The following ZFHX3 variants were observed in gnomAD, a reference collection of about 807,000 sequenced individuals.
The protein encoded by ZFHX3 is zinc finger homeobox 3.
A neutral mutation model predicts 279.1 loss-of-function variants in ZFHX3; 42 were observed. The ratio of observed to expected loss-of-function variants is 0.15; its 90% CI spans 0.12 to 0.19. The LOEUF (loss-of-function observed/expected upper bound fraction) is 0.19. Among genes scored for constraint, ZFHX3 ranks in the 10% least tolerant of loss-of-function variants. ZFHX3 has a pLI of 1.00. For synonymous variants in ZFHX3, 2,293 were observed against 1,957.8 expected, an observed-to-expected ratio of 1.17 and a Z score of -4.52; for missense variants, 4,981 against 4,754.0, an observed-to-expected ratio of 1.05 and a Z score of -1.40.
At chr16:73,397,019 G>A (rs919127782) in intron 3 of ZFHX3, among the ~76,000 whole-genome samples, 9 of 152,194 alleles carry the variant, frequency 5.9e-5, no homozygotes, top group African/African-American at 2.2e-4. Context: ...GCAGCATAAG[G>A]AAATAAACCT....
Position 73,503,662 on chromosome 16 carries a change from A to G in ZFHX3, c.-1546-47404T>C, listed in dbSNP as rs1307685864. The stretch of plus-strand genomic sequence containing the variant: ...AGGGGAATGGGGGAAAGAACGCAGG[A>G]TGGCCCTGGAAGAGCAAAGATATCA... On this transcript the variant is annotated intron_variant, in intron 2 of 17. Coordinates refer to the ZFHX3 transcript ENST00000641206. Among the ~76,000 whole-genome samples the G allele has an allele frequency of 2.0e-5, 3 of 152,236 alleles. No individual in the cohort carries two copies. In the East Asian group the frequency reaches 5.8e-4, roughly 29 times the overall value.
In ZFHX3 at chr16:73,360,433, G is replaced by T. The variant is rs2016416344; in HGVS notation, c.-1290-42097C>A. Among the ~76,000 whole-genome samples, 8 of 152,288 alleles carry T rather than the reference G, an allele frequency of 5.3e-5. No individual in the cohort carries two copies. In the South Asian group the frequency reaches 1.7e-3, roughly 32 times the overall value. ...GGCTCACCACAGCCTCCGCCTCTAGGGTTCAACTGATTCTCCTGCCTCAGC... is the reference window on the plus strand; with the variant it reads ...GGCTCACCACAGCCTCCGCCTCTAGTGTTCAACTGATTCTCCTGCCTCAGC... On this transcript the variant is annotated intron_variant, in intron 3 of 17. Coordinates refer to the ZFHX3 transcript ENST00000641206.
rs562799058 is a variant in ZFHX3 at position 73,197,409 on chromosome 16, A to G, written c.-1103-53578T>C. ...CAAGGTGGATATGGTGATTGGTCCA[A>G]GTACCATGTCTGTTGTCTGTTGTAT... On this transcript the variant is annotated intron_variant, in intron 5 of 17. Coordinates refer to the ZFHX3 transcript ENST00000641206. Among the ~76,000 whole-genome samples the G allele has an allele frequency of 3.3e-5, 5 of 152,328 alleles. No individual in the cohort carries two copies. In the Middle Eastern group the frequency reaches 0.01, roughly 311 times the overall value.
intron 1 of ZFHX3, among the ~76,000 whole-genome samples, chr16:73,850,228 T>C (rs1961559969): frequency 6.6e-6 from 1 of 152,222 alleles, no homozygotes; most frequent in South Asian, 2.1e-4. Context: ...TCTCCATTAG[T>C]TATTAACCCA....
intron 5 of ZFHX3, among the ~76,000 whole-genome samples, chr16:73,144,876 A>G (rs1323827594): frequency 6.6e-6 from 1 of 152,172 alleles, no homozygotes; most frequent in African/African-American, 2.4e-5. Flanking sequence ...TTCCTGGGAT[A>G]ATCCATATTT....
chr16:73,725,629 G>A (rs1363277449), intron 1 of ZFHX3, among the ~76,000 whole-genome samples: 3 of 152,010 alleles, frequency 2.0e-5, no homozygotes, highest in Non-Finnish European at 4.4e-5. Context: ...TGGGATAAGA[G>A]AACAAAATGG....
At chr16:73,151,691 C>T (rs565799774) in intron 5 of ZFHX3, among the ~76,000 whole-genome samples, 132 of 152,100 alleles carry the variant, frequency 8.7e-4, no homozygotes, top group African/African-American at 3.1e-3. Context: ...TGAGGTCTGA[C>T]GAAGTAGAGT....
chr16:73,710,657 C>G (rs1418884082), intron 1 of ZFHX3, among the ~76,000 whole-genome samples: 1 of 152,200 alleles, frequency 6.6e-6, no homozygotes, highest in Non-Finnish European at 1.5e-5. Flanking sequence ...GGTGGCTTTC[C>G]AGCAGGATCC....
intron 1 of ZFHX3, among the ~76,000 whole-genome samples, chr16:73,038,430 A>T (rs981953264): frequency 1.8e-5 from 2 of 109,748 alleles, no homozygotes; most frequent in Middle Eastern, 5.1e-3. Flanking sequence ...GTAACAGTAG[A>T]AAACGACCTG....
At chr16:73,793,279 T>C (rs2142316983) in intron 1 of ZFHX3, among the ~76,000 whole-genome samples, 1 of 152,274 alleles carries the variant, frequency 6.6e-6, no homozygotes, top group Non-Finnish European at 1.5e-5. Flanking sequence ...AGGAAAAAAA[T>C]TTCTCTGTAC....
chr16:73,527,578 G>A (rs950639917), intron 2 of ZFHX3, among the ~76,000 whole-genome samples: 1 of 152,154 alleles, frequency 6.6e-6, no homozygotes, highest in Non-Finnish European at 1.5e-5. Context: ...CACTTCAGTC[G>A]AATAGAATAT....
chr16:73,364,645 C>G (rs2016497889), intron 3 of ZFHX3, among the ~76,000 whole-genome samples: 1 of 152,144 alleles, frequency 6.6e-6, no homozygotes, highest in Admixed American at 6.5e-5. Context: ...CATCACGACT[C>G]TAGCTGGTGA....
In ZFHX3 at chr16:72,958,280, G is replaced by T; in HGVS notation, c.1866C>A (p.His622Gln). 1 of 1,614,032 alleles carries T rather than the reference G, an allele frequency of 6.2e-7. No homozygotes were observed. Among genetic ancestry groups the T allele is most frequent in the African/African-American group, 1.3e-5 (1 of 75,056 alleles). Residue 622 changes from histidine (H) to glutamine (Q), a missense_variant, in exon 2 of 10, where the codon CAC becomes CAA. By Grantham distance (24) the His-to-Gln change is conservative (BLOSUM62 0). Coordinates refer to ENST00000268489, the MANE Select transcript of ZFHX3 (RefSeq NM_006885.4). ...CCCCAAGCTCGCAGAGGGAGCCAGC[G>T]TGCTGGTGATGGGGAACGAAGCCCC... ...DDGGFVPHHQ[H>Q]AGSLCELGVG...
chr16:72,881,378 A>T (rs937607345), intron 4 of ZFHX3, among the ~76,000 whole-genome samples: 14 of 125,380 alleles, frequency 1.1e-4, no homozygotes, highest in Non-Finnish European at 1.5e-4. Context: ...ACTGCTCGTC[A>T]ATGTTTGAAA....
chr16:73,046,669 A>G (rs1965314120), intron 1 of ZFHX3, among the ~76,000 whole-genome samples: 1 of 152,096 alleles, frequency 6.6e-6, no homozygotes, highest in Non-Finnish European at 1.5e-5. Context: ...ATTATACACT[A>G]TTTATTTAGT....
chr16:73,654,203 TA>T (rs1288552975), intron 2 of ZFHX3, among the ~76,000 whole-genome samples: 1 of 143,076 alleles, frequency 7.0e-6, no homozygotes, highest in Non-Finnish European at 1.5e-5. Context: ...AAAAAAAAGA[TA>T]AAAAGAGAAT....
chr16:73,094,070 AC>A (rs1259242127), intron 7 of ZFHX3, among the ~76,000 whole-genome samples: 3 of 151,752 alleles, frequency 2.0e-5, no homozygotes, highest in Non-Finnish European at 4.4e-5. Flanking sequence ...GACCCCCCCA[AC>A]CCCCTACAAA....
At chr16:73,843,645 T>A (rs1377535930) in intron 1 of ZFHX3, among the ~76,000 whole-genome samples, 1 of 152,220 alleles carries the variant, frequency 6.6e-6, no homozygotes, top group Non-Finnish European at 1.5e-5. Context: ...TCTCCTCGTA[T>A]CATCTGCCTT....
At chr16:72,947,471 G>A (rs1175866883) in intron 3 of ZFHX3, among the ~76,000 whole-genome samples, 1 of 152,204 alleles carries the variant, frequency 6.6e-6, no homozygotes, top group Non-Finnish European at 1.5e-5. Context: ...GGCCCAGGGT[G>A]AGGTCAGATG....
Sources: gnomAD v4.1 joint callset for allele counts (sites outside exome capture counted in the v4.1 genomes callset) on GRCh38, gnomAD v4.1.1 for gene constraint, MANE v1.5 for transcripts, NCBI Gene and HGNC (gene_info 2026-07-23, HGNC 2026-07-21) for gene names.